PDZD8: variants seen among roughly 807,000 people sequenced by gnomAD.
The protein encoded by PDZD8 is PDZ domain containing 8, also known as PDZ domain-containing protein 8.
In PDZD8, 14 loss-of-function variants were observed where a neutral mutation model predicts 85.8. That is an observed-to-expected ratio of 0.16 (90% CI 0.11 to 0.26). PDZD8 has a LOEUF of 0.26. Ranked by LOEUF, PDZD8 falls within the 10% of genes least tolerant of loss-of-function variation. PDZD8 has a pLI of 1.00. For missense variants in PDZD8, 1,197 were observed against 1,424.3 expected, an observed-to-expected ratio of 0.84 and a Z score of 2.57; for synonymous variants, 592 against 568.6, an observed-to-expected ratio of 1.04 and a Z score of -0.59.
chr10:117,349,786 G>C (rs148342066), intron 1 of PDZD8, among the ~76,000 whole-genome samples: 255 of 152,014 alleles, frequency 1.7e-3, no homozygotes, highest in Middle Eastern at 6.8e-3. Flanking sequence ...CTGGGTGACA[G>C]AGTAAGACCC....
In PDZD8 at chr10:117,284,466, C is replaced by G; in HGVS notation, c.2267G>C (p.Arg756Thr). 1 of 1,614,166 alleles carries G rather than the reference C, an allele frequency of 6.2e-7. No homozygotes were observed. The highest frequency in any genetic ancestry group is 1.3e-5 in the African/African-American group (1 of 75,040). ...AGCCTTAGGTGAGGGGGCTTCCAGT[C>G]TCAATTTGGAAAGGTATTCCGTGTT... ...TSNTEYLSKL[R>T]LEAPSPKAIV... Residue 756 changes from arginine to threonine, a missense_variant, in exon 5 of 5, where the codon AGA (arginine) becomes ACA (threonine). Physicochemically the swap from Arg to Thr is moderately conservative, Grantham distance 71. Coordinates refer to ENST00000334464, the MANE Select transcript of PDZD8 (RefSeq NM_173791.5).
At chr10:117,337,401 T>A (rs1347309911) in intron 2 of PDZD8, among the ~76,000 whole-genome samples, 1 of 152,136 alleles carries the variant, frequency 6.6e-6, no homozygotes, top group African/African-American at 2.4e-5. Flanking sequence ...TCAGCTTTCA[T>A]CAACTCAAAA....
intron 1 of PDZD8, among the ~76,000 whole-genome samples, chr10:117,348,594 G>A (rs1324118640): frequency 1.3e-5 from 2 of 152,160 alleles, no homozygotes; most frequent in Non-Finnish European, 2.9e-5. Context: ...CCTTCTCACT[G>A]TGTCCTCTCA....
At chr10:117,311,615 T>C (rs1417661700) in intron 3 of PDZD8, among the ~76,000 whole-genome samples, 4 of 152,114 alleles carry the variant, frequency 2.6e-5, no homozygotes, top group Admixed American at 2.0e-4. Context: ...AGGAGTTTCA[T>C]GATAGTTAGG....
Position 117,282,236 on chromosome 10 carries a change from T to A in PDZD8, c.*1032A>T, listed in dbSNP as rs573210037. The A allele has an allele frequency of 1.3e-5, 2 of 152,222 alleles. No homozygotes were observed. Among genetic ancestry groups the A allele is most frequent in the Non-Finnish European group, 2.9e-5 (2 of 68,040 alleles). 9.4% of individuals were successfully genotyped at this position (152,222 alleles called of 1,614,324 possible). A position where few individuals can be genotyped will look rare whatever the true frequency, so the allele number is the denominator to read the frequency against. On this transcript the variant is annotated 3_prime_UTR_variant, in exon 5 of 5. Transcript: ENST00000334464. The stretch of plus-strand genomic sequence containing the variant: ...AATACTCCTACATGAAAATGTTTTT[T>A]CTAAAACAAAACCAGCCCAAACTAG...
intron 4 of PDZD8, among the ~76,000 whole-genome samples, chr10:117,286,470 C>G (rs747751665): frequency 6.6e-6 from 1 of 152,220 alleles, no homozygotes; most frequent in Non-Finnish European, 1.5e-5. Context: ...AACACCACCC[C>G]TTTCTCATAA....
chr10:117,311,724 T>G (rs77976782), intron 3 of PDZD8, among the ~76,000 whole-genome samples: 3,409 of 151,986 alleles, frequency 0.022, 62 homozygotes, highest in Non-Finnish European at 0.036. Flanking sequence ...AAACAGAGGA[T>G]GGCTACTTGG....
At chr10:117,347,794 GA>G (rs1844734747) in intron 1 of PDZD8, among the ~76,000 whole-genome samples, 1 of 151,982 alleles carries the variant, frequency 6.6e-6, no homozygotes, top group South Asian at 2.1e-4. Flanking sequence ...CAAGGGAGTA[GA>G]AAAAAATACT....
chr10:117,306,154 T>TA lies in PDZD8; in HGVS notation c.1098+12717dup, dbSNP rs1050147168. Among the ~76,000 whole-genome samples the TA allele has an allele frequency of 3.2e-4, 48 of 152,292 alleles. 1 individual carries two copies. Among genetic ancestry groups the TA allele is most frequent in the African/African-American group, 1.2e-3 (48 of 41,574 alleles). Reference sequence around the variant, plus strand: ...CTTGGCCATTTGATAACTTGGTTTCTAAAGCAACTGGATGGTAAATCGGGA... The same window carrying TA: ...CTTGGCCATTTGATAACTTGGTTTCTAAAAGCAACTGGATGGTAAATCGGGA... On this transcript the variant is annotated intron_variant, in intron 3 of 4. Transcript: ENST00000334464.
At chr10:117,356,300 T>TA (rs1256783930) in intron 1 of PDZD8, among the ~76,000 whole-genome samples, 3 of 151,728 alleles carry the variant, frequency 2.0e-5, no homozygotes, top group South Asian at 2.1e-4. Context: ...ATTTGTGACA[T>TA]AAAAAAAGAA....
chr10:117,351,691 T>C (rs1230772442), intron 1 of PDZD8, among the ~76,000 whole-genome samples: 2 of 152,146 alleles, frequency 1.3e-5, no homozygotes, highest in Non-Finnish European at 2.9e-5. Flanking sequence ...AAAAACATGT[T>C]TTTTTCTTTT....
intron 2 of PDZD8, among the ~76,000 whole-genome samples, chr10:117,325,145 C>A (rs1394079837): frequency 6.6e-6 from 1 of 151,946 alleles, no homozygotes; most frequent in African/African-American, 2.4e-5. Flanking sequence ...CAACTGCCAC[C>A]ATGGAAAAAC....
Position 117,288,893 on chromosome 10 carries a change from ATTAAT to A in PDZD8, c.1261+1288_1261+1292del, listed in dbSNP as rs1195514063. Among the ~76,000 whole-genome samples the A allele has an allele frequency of 4.6e-5, 7 of 152,198 alleles. 1 individual carries two copies. In the South Asian group the frequency reaches 6.2e-4, roughly 14 times the overall value. On this transcript the variant is annotated intron_variant, in intron 4 of 4. Transcript: ENST00000334464. ...GTATACATTTATATCGCTTAGGTTA[ATTAAT>A]TTATTTTTGATAATAGGTATTTACT...
intron 2 of PDZD8, among the ~76,000 whole-genome samples, chr10:117,325,004 T>C (rs1844290227): frequency 6.6e-6 from 1 of 152,140 alleles, no homozygotes; most frequent in Non-Finnish European, 1.5e-5. Flanking sequence ...GTTCTCCTTG[T>C]AAAAGGACAC....
chr10:117,335,026 T>C lies in PDZD8; in HGVS notation c.995+5954A>G, dbSNP rs77351657. 5.6e-3 allele frequency among the ~76,000 whole-genome samples: 849 copies of C among 151,680 alleles called. 14 individuals are homozygous for C. Among genetic ancestry groups the C allele is most frequent in the East Asian group, 0.023 (119 of 5,182 alleles). ...ATTTGGTTGTAACCATTAATTCATA[T>C]ATCCAAGAAGCTAACTGAAATGGAA... On this transcript the variant is annotated intron_variant, in intron 2 of 4. Transcript: ENST00000334464.
chr10:117,284,399 C>T lies in PDZD8; in HGVS notation c.2334G>A (p.Lys778=), dbSNP rs911784534. The change falls in exon 5 of 5, where the codon AAG becomes AAA. Residue 778 remains lysine, a synonymous_variant. Coordinates refer to ENST00000334464, the MANE Select transcript of PDZD8 (RefSeq NM_173791.5). Reference sequence around the variant, plus strand: ...CATAGCAAAATTTGTCATTGAATCCCTTTTGCATACTCAGATTGCGTAGTG... The same window carrying T: ...CATAGCAAAATTTGTCATTGAATCCTTTTTGCATACTCAGATTGCGTAGTG... ...RTALRNLSMQ[K]GFNDKFCYGD... 1.9e-6 allele frequency: 3 copies of T among 1,613,984 alleles called. No individual in the cohort carries two copies. In the African/African-American group the frequency reaches 4.0e-5, roughly 22 times the overall value.
At chr10:117,320,467 A>AAAAATTTAACAAAAATTAACTC (rs1348965233) in intron 2 of PDZD8, among the ~76,000 whole-genome samples, 1 of 152,116 alleles carries the variant, frequency 6.6e-6, no homozygotes, top group Non-Finnish European at 1.5e-5. Flanking sequence ...AAGAGTAATA[A>AAAAATTTAACAAAAATTAACTC]AAAATTTAAC....
intron 1 of PDZD8, among the ~76,000 whole-genome samples, chr10:117,365,148 C>G (rs1845066530): frequency 6.6e-6 from 1 of 151,206 alleles, no homozygotes; most frequent in Non-Finnish European, 1.5e-5. Flanking sequence ...CAAAAATAAC[C>G]AACAAAATCT....
chr10:117,304,808 C>G (rs937256889), intron 3 of PDZD8, among the ~76,000 whole-genome samples: 26 of 152,252 alleles, frequency 1.7e-4, no homozygotes, highest in African/African-American at 6.0e-4. Flanking sequence ...TGAGATGATT[C>G]TGAGGCCTCC....
Sources: allele counts gnomAD v4.1 joint callset (sites outside exome capture counted in the v4.1 genomes callset), GRCh38; gene constraint gnomAD v4.1.1; transcripts MANE v1.5; gene names NCBI Gene and HGNC (gene_info 2026-07-23, HGNC 2026-07-21).